Variants in GALNTL6 observed in about 807,000 individuals in gnomAD.
GALNTL6 encodes the protein polypeptide N-acetylgalactosaminyltransferase-like 6.
A neutral mutation model predicts 73.7 loss-of-function variants in GALNTL6; 46 were observed. The observed-to-expected ratio is 0.62, with a 90% confidence interval of 0.49 to 0.80. GALNTL6 has a LOEUF of 0.80. Among genes scored for constraint, GALNTL6 ranks in the 30% least tolerant of loss-of-function variants. The pLI is 0.00. For synonymous variants in GALNTL6, 259 were observed against 263.7 expected (o/e 0.98, Z 0.17); for missense variants, 604 against 755.0 (o/e 0.80, Z 2.34).
At chr4:172,202,893 TGA>T (rs1445938757) in intron 2 of GALNTL6, among the ~76,000 whole-genome samples, 2 of 152,236 alleles carry the variant, frequency 1.3e-5, no homozygotes, top group Non-Finnish European at 2.9e-5. Flanking sequence ...ACATTTTAAT[TGA>T]GTTTTGATAG....
At chr4:172,025,733 GA>G in intron 2 of GALNTL6, among the ~76,000 whole-genome samples, 1 of 151,946 alleles carries the variant, frequency 6.6e-6, no homozygotes, top group East Asian at 1.9e-4. Context: ...TTGGGCTTTG[GA>G]ACTTTGATTT....
chr4:172,728,981 C>T (rs2111383041), intron 5 of GALNTL6, among the ~76,000 whole-genome samples: 1 of 152,264 alleles, frequency 6.6e-6, no homozygotes, highest in Admixed American at 6.5e-5. Flanking sequence ...AGATGATGAG[C>T]ATTTTTTCAT....
chr4:172,719,831 G>A (rs763474025), intron 5 of GALNTL6, among the ~76,000 whole-genome samples: 1 of 152,134 alleles, frequency 6.6e-6, no homozygotes, highest in Non-Finnish European at 1.5e-5. Context: ...GAGCAGCCCC[G>A]AGGGCTGCTG....
intron 2 of GALNTL6, among the ~76,000 whole-genome samples, chr4:171,881,861 T>C (rs1736461280): frequency 6.6e-6 from 1 of 152,238 alleles, no homozygotes; most frequent in African/African-American, 2.4e-5. Flanking sequence ...GGCAAAAATC[T>C]AAAATGTGTT....
In GALNTL6 at chr4:172,582,840, T is replaced by A. The variant is rs1737245798; in HGVS notation, c.554-226521T>A. On this transcript the variant is annotated intron_variant, in intron 5 of 12. Coordinates refer to ENST00000506823, the MANE Select transcript of GALNTL6 (RefSeq NM_001034845.3). ...TTCTGACTCTATAATTAAGGTTATG[T>A]TTATGATTGAATACCCTTTCACTTT... Among the ~76,000 whole-genome samples the A allele has an allele frequency of 2.0e-5, 3 of 152,038 alleles. No homozygotes were observed. In the South Asian group the frequency reaches 6.3e-4, roughly 32 times the overall value.
chr4:173,018,582 G>A (rs756227619), intron 11 of GALNTL6, among the ~76,000 whole-genome samples: 17 of 152,204 alleles, frequency 1.1e-4, no homozygotes, highest in Non-Finnish European at 2.4e-4. Context: ...GGATGGAAAG[G>A]AGTAAGCAGT....
intron 5 of GALNTL6, among the ~76,000 whole-genome samples, chr4:172,376,807 A>G (rs2111270876): frequency 6.6e-6 from 1 of 152,308 alleles, no homozygotes. Flanking sequence ...ACTGACTTCA[A>G]GAATGAAGCC....
rs374681431 is a variant in GALNTL6 at position 172,911,585 on chromosome 4, T to C, written c.1042-19576T>C. ...GATGACATTAAAATATCCATTTTAGTTCAACATGCCCAGAATTGATCTTCC... is the reference window on the plus strand; with the variant it reads ...GATGACATTAAAATATCCATTTTAGCTCAACATGCCCAGAATTGATCTTCC... On this transcript the variant is annotated intron_variant, in intron 8 of 12. Coordinates refer to ENST00000506823, the MANE Select transcript of GALNTL6 (RefSeq NM_001034845.3). Among the ~76,000 whole-genome samples the C allele has an allele frequency of 6.0e-4, 91 of 152,326 alleles. No individual in the cohort carries two copies. The East Asian group carries it at 0.01, about 17-fold the overall frequency.
At chr4:172,915,666 G>A (rs1315878410) in intron 8 of GALNTL6, among the ~76,000 whole-genome samples, 3 of 152,046 alleles carry the variant, frequency 2.0e-5, no homozygotes, top group South Asian at 2.1e-4. Context: ...GATAAATTCC[G>A]GGACACATAC....
chr4:172,579,255 A>G (rs1465485266), intron 5 of GALNTL6, among the ~76,000 whole-genome samples: 3 of 152,338 alleles, frequency 2.0e-5, no homozygotes, highest in East Asian at 1.9e-4. Context: ...GTAATTTTAC[A>G]TGATATAGCT....
At position 172,855,867 on chromosome 4, in the gene GALNTL6, T is replaced by C. The variant is rs908534564; in HGVS notation, c.924-26923T>C. On this transcript the variant is annotated intron_variant, in intron 7 of 12. Transcript: ENST00000506823. ...GCCTCTCTTCTTCTTTAGAGAGGCC[T>C]GGATGTCGATATGCAGCAAACGTCC... Among the ~76,000 whole-genome samples the C allele has an allele frequency of 4.6e-5, 7 of 152,298 alleles. No individual in the cohort carries two copies. The East Asian group carries it at 1.2e-3, about 25-fold the overall frequency.
chr4:172,439,886 A>G (rs961010960), intron 5 of GALNTL6, among the ~76,000 whole-genome samples: 3 of 152,014 alleles, frequency 2.0e-5, no homozygotes, highest in African/African-American at 7.2e-5. Flanking sequence ...AACAGAGTGG[A>G]ACATTTGCTA....
At chr4:172,491,207 AATC>A (rs1285412419) in intron 5 of GALNTL6, among the ~76,000 whole-genome samples, 1 of 152,176 alleles carries the variant, frequency 6.6e-6, no homozygotes, top group Non-Finnish European at 1.5e-5. Flanking sequence ...TAATAAGAAT[AATC>A]ATCATTTAAT....
At chr4:172,792,841 C>G (rs913694006) in intron 5 of GALNTL6, among the ~76,000 whole-genome samples, 3 of 152,046 alleles carry the variant, frequency 2.0e-5, no homozygotes, top group African/African-American at 4.8e-5. Context: ...AAGACTACAC[C>G]TTCCCTTCCT....
intron 5 of GALNTL6, among the ~76,000 whole-genome samples, chr4:172,632,200 C>T (rs553744788): frequency 2.6e-4 from 40 of 152,246 alleles, no homozygotes; most frequent in African/African-American, 9.4e-4. Context: ...TGAATTGTTA[C>T]CAATAGAGTG....
chr4:172,593,962 G>A lies in GALNTL6; in HGVS notation c.554-215399G>A, dbSNP rs138440465. ...TGAAAAAATTACTATTCCAGCTTAA[G>A]CAAGTATCCCCTCCATTATGCCACC... is the stretch of plus-strand genomic sequence containing the variant. On this transcript the variant is annotated intron_variant, in intron 5 of 12. Transcript: ENST00000506823. Among the ~76,000 whole-genome samples the A allele has an allele frequency of 4.1e-3, 624 of 152,192 alleles. 5 individuals are homozygous for A. The highest frequency in any genetic ancestry group is 0.014 in the African/African-American group (577 of 41,536).
intron 5 of GALNTL6, among the ~76,000 whole-genome samples, chr4:172,792,001 AC>A (rs1482496625): frequency 3.9e-5 from 6 of 152,198 alleles, no homozygotes; most frequent in African/African-American, 1.2e-4. Context: ...TAAGGATCTC[AC>A]TGCCTAGAGG....
At chr4:172,589,547 C>T (rs1737554096) in intron 5 of GALNTL6, among the ~76,000 whole-genome samples, 1 of 152,170 alleles carries the variant, frequency 6.6e-6, no homozygotes, top group African/African-American at 2.4e-5. Context: ...AGCTAGCCAC[C>T]AATTGATCTA....
At chr4:172,762,308 G>A (rs1304226568) in intron 5 of GALNTL6, among the ~76,000 whole-genome samples, 2 of 152,116 alleles carry the variant, frequency 1.3e-5, no homozygotes, top group South Asian at 2.1e-4. Flanking sequence ...TTGAGACACC[G>A]AATTATATAA....
Sources: allele counts gnomAD v4.1 joint callset (sites outside exome capture counted in the v4.1 genomes callset), GRCh38; gene constraint gnomAD v4.1.1; transcripts MANE v1.5; gene names NCBI Gene and HGNC (gene_info 2026-07-23, HGNC 2026-07-21).